Variants in LRP1B observed in about 807,000 individuals in gnomAD.
LRP1B encodes low-density lipoprotein receptor-related protein 1B.
LRP1B carries 217 observed loss-of-function variants against 556.6 expected under a neutral mutation model. The ratio of observed to expected loss-of-function variants is 0.39; its 90% CI spans 0.35 to 0.44. LRP1B has a LOEUF of 0.44. Ranked by LOEUF, LRP1B falls within the 20% of genes least tolerant of loss-of-function variation. The probability of loss-of-function intolerance (pLI) is 1.00; values close to 1 mark genes in which losing one functional copy is unlikely to be tolerated. For missense variants in LRP1B, 5,053 were observed against 5,620.8 expected (o/e 0.90, Z 3.23); for synonymous variants, 2,047 against 1,865.8 (o/e 1.10, Z -2.50).
chr2:140,809,191 C>T (rs976537653), intron 32 of LRP1B, among the ~76,000 whole-genome samples: 2 of 151,838 alleles, frequency 1.3e-5, no homozygotes, highest in South Asian at 2.1e-4. Context: ...TAGTGTTAGC[C>T]TTCACAGCTT....
At chr2:141,438,898 T>C (rs1003823072) in intron 3 of LRP1B, among the ~76,000 whole-genome samples, 5 of 152,136 alleles carry the variant, frequency 3.3e-5, no homozygotes, top group African/African-American at 1.2e-4. Flanking sequence ...TTTACTATCT[T>C]TGAGAGAACA....
At position 142,015,991 on chromosome 2, in the gene LRP1B, C is replaced by CAAAAAAAAAAAAAAA. The variant is rs70994471; in HGVS notation, c.82+114642_82+114656dup. On this transcript the variant is annotated intron_variant, in intron 1 of 90. Transcript: ENST00000389484. ...TGGGCAACAGCGCGAGACTCCATCT[C>CAAAAAAAAAAAAAAA]AAAAAAAAAAAAAAAAAAAAAGTGG... Among the ~76,000 whole-genome samples, 9 of 38,790 alleles carry CAAAAAAAAAAAAAAA rather than the reference C, an allele frequency of 2.3e-4. 1 individual carries two copies. The highest frequency in any genetic ancestry group is 3.0e-4 in the Non-Finnish European group (7 of 23,568). 25.4% of individuals were successfully genotyped at this position (38,790 alleles called of 152,430 possible).
intron 59 of LRP1B, among the ~76,000 whole-genome samples, chr2:140,480,144 C>T (rs1023227615): frequency 3.9e-5 from 6 of 152,286 alleles, no homozygotes; most frequent in Admixed American, 3.9e-4. Flanking sequence ...CAGCTAAAAA[C>T]AGTCATATGA....
rs141167422 is a variant in LRP1B, at chr2:140,425,796, T to C, written c.10414+16708A>G. ...AAGTATAAAATAGGAATAATAACAG[T>C]GTAGCTCTCATAGGGTTGTTGTGAG... On this transcript the variant is annotated intron_variant, in intron 66 of 90. Coordinates refer to ENST00000389484, the MANE Select transcript of LRP1B (RefSeq NM_018557.3). Among the ~76,000 whole-genome samples the C allele has an allele frequency of 1.6e-3, 243 of 152,292 alleles. 1 individual carries two copies. The highest frequency in any genetic ancestry group is 5.4e-3 in the African/African-American group (226 of 41,572).
At chr2:140,657,672 T>TATATATACATACATATATATACATAC (rs1167203001) in intron 41 of LRP1B, among the ~76,000 whole-genome samples, 1 of 134,562 alleles carries the variant, frequency 7.4e-6, no homozygotes, top group South Asian at 2.3e-4. Flanking sequence ...TATACATACA[T>TATATATACATACATATATATACATAC]ATATATATAA....
chr2:140,433,286 C>A (rs1686032316), intron 66 of LRP1B, among the ~76,000 whole-genome samples: 1 of 152,066 alleles, frequency 6.6e-6, no homozygotes, highest in African/African-American at 2.4e-5. Context: ...TTAGTAGAGA[C>A]TGGGTTTCGC....
intron 2 of LRP1B, among the ~76,000 whole-genome samples, chr2:141,555,438 G>T (rs1574075554): frequency 6.6e-6 from 1 of 151,956 alleles, no homozygotes; most frequent in South Asian, 2.1e-4. Flanking sequence ...CTGAGGTCCT[G>T]TCTCTGAGAC....
rs186615227 is a variant in LRP1B, at chr2:141,530,582, G to A, written c.206-50049C>T. Among the ~76,000 whole-genome samples, 701 of 151,226 alleles carry A rather than the reference G, an allele frequency of 4.6e-3. 2 individuals are homozygous for A. The highest frequency in any genetic ancestry group is 0.016 in the African/African-American group (669 of 40,736). On this transcript the variant is annotated intron_variant, in intron 2 of 90. Transcript: ENST00000389484. ...CCTATTCTCATGAGAAAATAAACAA[G>A]CAGAACAGCCAATAAATTCAGATAA... is the stretch of plus-strand genomic sequence containing the variant.
At chr2:142,090,045 G>A (rs1197989664) in intron 1 of LRP1B, among the ~76,000 whole-genome samples, 1 of 151,804 alleles carries the variant, frequency 6.6e-6, no homozygotes, top group African/African-American at 2.4e-5. Context: ...GCATCTATGT[G>A]GATAATGATA....
intron 66 of LRP1B, among the ~76,000 whole-genome samples, chr2:140,425,212 T>C (rs1326686524): frequency 6.6e-6 from 1 of 152,208 alleles, no homozygotes; most frequent in Non-Finnish European, 1.5e-5. Flanking sequence ...TTAGTGACAA[T>C]AGATAGTAAT....
At chr2:140,475,860 C>T (rs548049494) in intron 59 of LRP1B, among the ~76,000 whole-genome samples, 1 of 151,946 alleles carries the variant, frequency 6.6e-6, no homozygotes, top group African/African-American at 2.4e-5. Context: ...CTGTATTGCT[C>T]CTTGGTCACA....
rs1698750267 is a variant in LRP1B, at chr2:141,043,037, C to CCAA, written c.1789+5948_1789+5949insTTG. On this transcript the variant is annotated intron_variant, in intron 11 of 90. Transcript: ENST00000389484. ...TGAAAGGCTGTCACTACAAAAAATA[C>CCAA]AAAAAAAAAAAAAAAATTAGCTGAG... is the stretch of plus-strand genomic sequence containing the variant. 2.5e-5 allele frequency among the ~76,000 whole-genome samples: 3 copies of CCAA among 122,056 alleles called. No homozygotes were observed. In the South Asian group the frequency reaches 8.0e-4, roughly 33 times the overall value. The allele number at this position is 122,056 out of a possible 152,430, so 80.1% of individuals were successfully genotyped here. A position where few individuals can be genotyped will look rare whatever the true frequency, so the allele number is the denominator to read the frequency against.
intron 35 of LRP1B, among the ~76,000 whole-genome samples, chr2:140,759,657 T>A (rs1688851016): frequency 6.6e-6 from 1 of 152,164 alleles, no homozygotes; most frequent in Non-Finnish European, 1.5e-5. Context: ...GCCAAGTACT[T>A]TGGAGCACCC....
At chr2:141,460,973 T>A (rs114259750) in intron 3 of LRP1B, among the ~76,000 whole-genome samples, 4,217 of 151,754 alleles carry the variant, frequency 0.028, 100 homozygotes, top group Non-Finnish European at 0.037. Context: ...GACATCCAAG[T>A]GGAGATGGCA....
At chr2:142,033,636 C>T (rs59095262) in intron 1 of LRP1B, among the ~76,000 whole-genome samples, 12,755 of 151,604 alleles carry the variant, frequency 0.084, 1,226 homozygotes, top group African/African-American at 0.23. Context: ...ATAGTTGTTT[C>T]ATTCTCCTTC....
intron 11 of LRP1B, among the ~76,000 whole-genome samples, chr2:141,046,367 G>C (rs1292664907): frequency 6.6e-6 from 1 of 152,012 alleles, no homozygotes; most frequent in Non-Finnish European, 1.5e-5. Flanking sequence ...TTTTTCTGAT[G>C]CCAAGAATGA....
intron 35 of LRP1B, among the ~76,000 whole-genome samples, chr2:140,734,028 T>C (rs987996561): frequency 3.9e-5 from 6 of 152,172 alleles, no homozygotes; most frequent in African/African-American, 1.4e-4. Flanking sequence ...ACAGAAAATA[T>C]CTCATAGGAT....
chr2:142,035,260 T>G (rs75021204), intron 1 of LRP1B, among the ~76,000 whole-genome samples: 2,194 of 151,860 alleles, frequency 0.014, 56 homozygotes, highest in African/African-American at 0.05. Flanking sequence ...CTCCCACTTG[T>G]AACTGATGGT....
chr2:140,898,742 C>T, intron 23 of LRP1B: 2 of 566,516 alleles, frequency 3.5e-6, no homozygotes, highest in Non-Finnish European at 6.7e-6. Flanking sequence ...TTGGGCAACT[C>T]TCTACCCTCA....
Sources: gnomAD v4.1 joint callset for allele counts (sites outside exome capture counted in the v4.1 genomes callset) on GRCh38, gnomAD v4.1.1 for gene constraint, MANE v1.5 for transcripts, NCBI Gene and HGNC (gene_info 2026-07-23, HGNC 2026-07-21) for gene names.